TSEN15: variants seen among roughly 807,000 people sequenced by gnomAD.
TSEN15 encodes the protein tRNA splicing endonuclease subunit 15.
A neutral mutation model predicts 20.5 loss-of-function variants in TSEN15; 10 were observed. The ratio of observed to expected loss-of-function variants is 0.49; its 90% CI spans 0.30 to 0.83. TSEN15 has a LOEUF of 0.83. Ranked by LOEUF, TSEN15 falls within the 40% of genes least tolerant of loss-of-function variation. The pLI is 0.06. For missense variants in TSEN15, 180 were observed against 218.6 expected (o/e 0.82, Z 1.11); for synonymous variants, 72 against 80.1 (o/e 0.90, Z 0.54).
chr1:184,062,530 T>C (rs1650495828), intron 3 of TSEN15, among the ~76,000 whole-genome samples: 1 of 152,142 alleles, frequency 6.6e-6, no homozygotes, highest in Non-Finnish European at 1.5e-5. Flanking sequence ...TTAGCTTCAC[T>C]TTGGACCACC....
chr1:184,077,342 C>T (rs562712925), downstream of TSEN15, among the ~76,000 whole-genome samples: 7 of 152,220 alleles, frequency 4.6e-5, no homozygotes, highest in South Asian at 4.2e-4. Flanking sequence ...TTTAAGCCTA[C>T]GATTGAGACC....
chr1:184,080,225 A>G (rs988625965), intron 3 of TSEN15, among the ~76,000 whole-genome samples: 1 of 152,056 alleles, frequency 6.6e-6, no homozygotes, highest in Non-Finnish European at 1.5e-5. Flanking sequence ...TTTATTCACT[A>G]CTAAGTGCTT....
intron 1 of TSEN15, among the ~76,000 whole-genome samples, chr1:184,053,859 A>G (rs1181721349): frequency 6.6e-6 from 1 of 152,212 alleles, no homozygotes; most frequent in Non-Finnish European, 1.5e-5. Flanking sequence ...ACCCACTAAC[A>G]TGTCCCATCA....
At chr1:184,052,012 G>A in intron 1 of TSEN15, 122 bp downstream of exon 1, 1 of 1,090,292 alleles carries the variant, frequency 9.2e-7, no homozygotes, top group East Asian at 3.2e-5. Context: ...CCCTCACCGA[G>A]GGGGACCGGT....
intron 1 of TSEN15, among the ~76,000 whole-genome samples, chr1:184,052,514 G>T (rs1475040285): frequency 6.6e-6 from 1 of 152,024 alleles, no homozygotes; most frequent in African/African-American, 2.4e-5. Context: ...GTACAAGTAC[G>T]GTTCCAAGCA....
intron 3 of TSEN15, chr1:184,055,173 A>T: frequency 4.6e-6 from 1 of 218,110 alleles, no homozygotes; most frequent in African/African-American, 2.3e-5. Flanking sequence ...GGAAGCTTAT[A>T]ATCATGGAGG....
intron 3 of TSEN15, chr1:184,094,902 C>T (rs1368185346): frequency 1.8e-5 from 7 of 397,036 alleles, no homozygotes; most frequent in Non-Finnish European, 3.1e-5. Context: ...GGTACTAGCT[C>T]CCAGGCTGGA....
At chr1:184,054,120 G>A (rs1650154060) in intron 1 of TSEN15, among the ~76,000 whole-genome samples, 1 of 152,108 alleles carries the variant, frequency 6.6e-6, no homozygotes, top group South Asian at 2.1e-4. Context: ...CATTTACATG[G>A]TTTTTAATCA....
intron 3 of TSEN15, among the ~76,000 whole-genome samples, chr1:184,084,751 G>A (rs1651230639): frequency 6.6e-6 from 1 of 151,862 alleles, no homozygotes; most frequent in African/African-American, 2.4e-5. Context: ...CCTTTATAAT[G>A]GCACCAATCC....
intron 1 of TSEN15, among the ~76,000 whole-genome samples, chr1:184,054,026 T>A (rs1456961832): frequency 6.6e-6 from 1 of 152,250 alleles, no homozygotes; most frequent in African/African-American, 2.4e-5. Context: ...GCTCAACTTG[T>A]ATCCCATCCC....
chr1:184,082,553 C>T (rs977740904), intron 3 of TSEN15, among the ~76,000 whole-genome samples: 7 of 152,028 alleles, frequency 4.6e-5, no homozygotes. Flanking sequence ...CCTTTCATTT[C>T]CTTTATTTCC....
At chr1:184,084,328 C>T (rs1358413692) in intron 3 of TSEN15, among the ~76,000 whole-genome samples, 1 of 151,878 alleles carries the variant, frequency 6.6e-6, no homozygotes, top group Non-Finnish European at 1.5e-5. Context: ...AGATGTTTAG[C>T]AGGGTATGAA....
At chr1:184,076,197 C>A (rs1651058303), downstream of TSEN15, among the ~76,000 whole-genome samples, 1 of 151,942 alleles carries the variant, frequency 6.6e-6, no homozygotes, top group South Asian at 2.1e-4. Flanking sequence ...ATTGTCGATG[C>A]CATTTTTCCA....
At chr1:184,070,578 C>G (rs1049197581) in intron 3 of TSEN15, 2 of 977,184 alleles carry the variant, frequency 2.0e-6, no homozygotes, top group South Asian at 1.5e-5. Flanking sequence ...GATGGACAGC[C>G]TATAAAAATG....
At chr1:184,054,025 G>A (rs1231379490) in intron 1 of TSEN15, among the ~76,000 whole-genome samples, 1 of 152,102 alleles carries the variant, frequency 6.6e-6, no homozygotes, top group African/African-American at 2.4e-5. Flanking sequence ...TGCTCAACTT[G>A]TATCCCATCC....
chr1:184,095,691 T>A (rs1304845405), exon 4 of TSEN15: 4 of 397,922 alleles, frequency 1.0e-5, no homozygotes, highest in African/African-American at 2.1e-5. Flanking sequence ...CTTTCCCAGT[T>A]GTACACAGAA....
intron 3 of TSEN15, among the ~76,000 whole-genome samples, chr1:184,055,963 T>A (rs1282556549): frequency 1.3e-5 from 2 of 152,176 alleles, no homozygotes; most frequent in Non-Finnish European, 2.9e-5. Context: ...AAATTTTAGA[T>A]GTTTTTAACT....
downstream of TSEN15, among the ~76,000 whole-genome samples, chr1:184,075,892 T>TTATA (rs1255091578): frequency 2.3e-4 from 33 of 144,340 alleles, no homozygotes; most frequent in African/African-American, 6.4e-4. Flanking sequence ...GGGGTGGGTT[T>TTATA]TATATATATA....
chr1:184,067,161 T>A (rs1650696675), intron 3 of TSEN15, among the ~76,000 whole-genome samples: 1 of 152,120 alleles, frequency 6.6e-6, no homozygotes, highest in South Asian at 2.1e-4. Flanking sequence ...TTCTTCCATT[T>A]TCTCATACCC....
Sources: allele counts gnomAD v4.1 joint callset (sites outside exome capture counted in the v4.1 genomes callset), GRCh38; gene constraint gnomAD v4.1.1; transcripts MANE v1.5; gene names NCBI Gene and HGNC (gene_info 2026-07-23, HGNC 2026-07-21).